TMEM132B: variants seen among roughly 807,000 people sequenced by gnomAD.
TMEM132B encodes transmembrane protein 132B.
A neutral mutation model predicts 90.8 loss-of-function variants in TMEM132B; 18 were observed. That is an observed-to-expected ratio of 0.20 (90% confidence interval 0.14 to 0.29). TMEM132B has a LOEUF of 0.29. Ranked by LOEUF, TMEM132B falls within the 10% of genes least tolerant of loss-of-function variation. The pLI, the probability that TMEM132B is intolerant of heterozygous loss-of-function variation, is 1.00. For synonymous variants in TMEM132B, 504 were observed against 523.3 expected (o/e 0.96, Z 0.50); for missense variants, 1,096 against 1,326.8 (o/e 0.83, Z 2.70).
chr12:125,285,835 G>A (rs1367456268), intron 1 of TMEM132B, among the ~76,000 whole-genome samples: 3 of 152,332 alleles, frequency 2.0e-5, no homozygotes, highest in African/African-American at 7.2e-5. Context: ...AATTGAGCAG[G>A]GCCTGGGGAG....
chr12:125,324,578 T>A (rs1876511892), intron 1 of TMEM132B, among the ~76,000 whole-genome samples: 1 of 149,928 alleles, frequency 6.7e-6, no homozygotes, highest in African/African-American at 2.5e-5. Context: ...TAGCGAGCAT[T>A]ACTGCCTGAG....
At chr12:125,283,714 G>A (rs1687917818) in intron 1 of TMEM132B, among the ~76,000 whole-genome samples, 3 of 152,258 alleles carry the variant, frequency 2.0e-5, no homozygotes, top group Non-Finnish European at 4.4e-5. Context: ...GTCTGGTGCA[G>A]ACCAAGGCAG....
chr12:125,592,326 G>A (rs1566083553), intron 5 of TMEM132B, among the ~76,000 whole-genome samples: 1 of 152,204 alleles, frequency 6.6e-6, no homozygotes, highest in African/African-American at 2.4e-5. Flanking sequence ...AGATAAATAA[G>A]TATAAGCTCA....
chr12:125,198,581 C>A lies in TMEM132B; in HGVS notation c.67+11715C>A, dbSNP rs1443541550. On this transcript the variant is annotated intron_variant, in intron 1 of 8. Coordinates refer to ENST00000682704, the MANE Select transcript of TMEM132B (RefSeq NM_001366854.1). ...CATGTGCTGACCCCTCAGCCAGGGA[C>A]TGGGACTGTGGGGATGGAATCTGAT... Among the ~76,000 whole-genome samples the A allele has an allele frequency of 3.3e-5, 5 of 152,204 alleles. 1 individual carries two copies. The highest frequency in any genetic ancestry group is 2.0e-4 in the Admixed American group (3 of 15,280).
At chr12:125,639,312 T>A (rs1044057902) in intron 5 of TMEM132B, among the ~76,000 whole-genome samples, 3 of 152,246 alleles carry the variant, frequency 2.0e-5, no homozygotes, top group Non-Finnish European at 2.9e-5. Flanking sequence ...TGAAATCACT[T>A]TCACTTTTCT....
chr12:125,267,112 G>T (rs1173104182), intron 1 of TMEM132B, among the ~76,000 whole-genome samples: 2 of 152,184 alleles, frequency 1.3e-5, no homozygotes, highest in Non-Finnish European at 2.9e-5. Context: ...ACCTCAACGT[G>T]CAGTGGCTCA....
intron 3 of TMEM132B, among the ~76,000 whole-genome samples, chr12:125,466,181 C>T (rs891303292): frequency 2.0e-5 from 3 of 152,146 alleles, no homozygotes; most frequent in African/African-American, 7.2e-5. Flanking sequence ...AGATTTTTAG[C>T]AGCATCTCCC....
intron 3 of TMEM132B, among the ~76,000 whole-genome samples, chr12:125,515,816 A>G (rs1359744249): frequency 2.2e-5 from 3 of 137,462 alleles, no homozygotes; most frequent in Non-Finnish European, 4.6e-5. Context: ...CATTCTATCA[A>G]CACATTCACA....
chr12:125,466,152 A>T (rs1357096999), intron 3 of TMEM132B, among the ~76,000 whole-genome samples: 1 of 152,196 alleles, frequency 6.6e-6, no homozygotes, highest in Admixed American at 6.5e-5. Context: ...TATTTAAAGC[A>T]TGTCATTTCA....
At chr12:125,547,292 G>T (rs1884115021) in intron 4 of TMEM132B, among the ~76,000 whole-genome samples, 1 of 152,156 alleles carries the variant, frequency 6.6e-6, no homozygotes, top group Non-Finnish European at 1.5e-5. Flanking sequence ...ATACATCTTT[G>T]TCAGCACATG....
rs1566061455 is a variant in TMEM132B at position 125,519,507 on chromosome 12, G to A, written c.1175G>A (p.Gly392Glu). The A allele has an allele frequency of 1.2e-6, 2 of 1,614,106 alleles. No individual in the cohort carries two copies. Among genetic ancestry groups the A allele is most frequent in the Non-Finnish European group, 1.7e-6 (2 of 1,180,022 alleles). Residue 392 changes from glycine to glutamate, a missense_variant, in exon 4 of 9, where the codon GGG becomes GAG. By Grantham distance (98) the Gly-to-Glu change is moderately conservative. Transcript: ENST00000682704. ...ATTGATAATAGCAGTGACCTGGCTG[G>A]GGCCCAGCAGATTACCTGGCAGGTG... ...FGIDNSSDLAGAQQITWQVEY... is the reference protein window; with the variant it reads ...FGIDNSSDLAEAQQITWQVEY...
rs187755188 is a variant in TMEM132B at position 125,654,020 on chromosome 12, C to T, written c.2562C>T (p.Thr854=). The change falls in exon 9 of 9, where the codon ACC becomes ACT. Residue 854 remains threonine, a synonymous_variant. Transcript: ENST00000682704. The surrounding 1 kb of genome is among the most constrained non-coding windows in gnomAD (Gnocchi z 5.8). ...AGGAAAGTACCAACAAAAGCACAACCCCCCAGTCTCCCATGGAAGGGAAGA... is the reference window on the plus strand; with the variant it reads ...AGGAAAGTACCAACAAAAGCACAACTCCCCAGTCTCCCATGGAAGGGAAGA... ...GQEESTNKST[T]PQSPMEGKNK... The T allele has an allele frequency of 7.2e-5, 117 of 1,614,136 alleles. No homozygotes were observed. Among genetic ancestry groups the T allele is most frequent in the East Asian group, 6.7e-4 (30 of 44,876 alleles).
chr12:125,328,842 C>G (rs1876674293), intron 1 of TMEM132B, among the ~76,000 whole-genome samples: 1 of 152,168 alleles, frequency 6.6e-6, no homozygotes, highest in Non-Finnish European at 1.5e-5. Context: ...CCTCATGACT[C>G]TCGCTTTTCT....
At chr12:125,495,422 C>T (rs527944587) in intron 3 of TMEM132B, among the ~76,000 whole-genome samples, 1 of 152,260 alleles carries the variant, frequency 6.6e-6, no homozygotes, top group African/African-American at 2.4e-5. Flanking sequence ...TCCATGGCTC[C>T]AGGCCTCAAG....
At chr12:125,248,912 C>G (rs1874260037) in intron 1 of TMEM132B, among the ~76,000 whole-genome samples, 1 of 152,142 alleles carries the variant, frequency 6.6e-6, no homozygotes, top group African/African-American at 2.4e-5. Flanking sequence ...TCCTGGGGAA[C>G]CCAACCTGTG....
chr12:125,393,664 A>T (rs1426689132), intron 2 of TMEM132B, among the ~76,000 whole-genome samples: 1 of 152,164 alleles, frequency 6.6e-6, no homozygotes, highest in East Asian at 1.9e-4. Context: ...AAGAGAACTT[A>T]ATGAAGGGGC....
intron 1 of TMEM132B, among the ~76,000 whole-genome samples, chr12:125,303,076 A>G (rs1371137148): frequency 6.6e-6 from 1 of 152,044 alleles, no homozygotes; most frequent in Non-Finnish European, 1.5e-5. Context: ...CAGCCTGGGG[A>G]CAGAGCGAGA....
intron 1 of TMEM132B, among the ~76,000 whole-genome samples, chr12:125,338,345 C>T (rs1345800776): frequency 6.6e-6 from 1 of 152,238 alleles, no homozygotes; most frequent in African/African-American, 2.4e-5. Context: ...CTCCTGGTTG[C>T]ACAGTGGCTG....
At chr12:125,423,683 G>A (rs553580923) in intron 3 of TMEM132B, among the ~76,000 whole-genome samples, 2 of 152,200 alleles carry the variant, frequency 1.3e-5, no homozygotes, top group African/African-American at 4.8e-5. Flanking sequence ...AATACAATTG[G>A]GTAAAATGGA....
Sources: gnomAD v4.1 joint callset for allele counts (sites outside exome capture counted in the v4.1 genomes callset) on GRCh38, gnomAD v4.1.1 for gene constraint, Gnocchi (gnomAD v3.1) non-coding constraint, MANE v1.5 for transcripts, NCBI Gene and HGNC (gene_info 2026-07-23, HGNC 2026-07-21) for gene names.